The following GALNTL6 variants were observed in gnomAD, a reference collection of about 807,000 sequenced individuals.
The protein encoded by GALNTL6 is polypeptide N-acetylgalactosaminyltransferase-like 6.
Under a neutral mutation model 73.7 loss-of-function variants are expected in GALNTL6, and 46 were observed. That is an observed-to-expected ratio of 0.62 (90% CI 0.49 to 0.80). The LOEUF is 0.80. Ranked by LOEUF, GALNTL6 falls within the 30% of genes least tolerant of loss-of-function variation. The probability of loss-of-function intolerance (pLI) is 0.00; values close to 1 mark genes in which losing one functional copy is unlikely to be tolerated. For missense variants in GALNTL6, 604 were observed against 755.0 expected, an observed-to-expected ratio of 0.80 and a Z score of 2.34; for synonymous variants, 259 against 263.7, an observed-to-expected ratio of 0.98 and a Z score of 0.17.
chr4:172,052,302 C>A, intron 2 of GALNTL6: 2 of 595,072 alleles, frequency 3.4e-6, no homozygotes, highest in Non-Finnish European at 5.9e-6. Flanking sequence ...TACCACACTT[C>A]CCAGGGAAGA....
intron 5 of GALNTL6, among the ~76,000 whole-genome samples, chr4:172,519,097 TAC>T (rs138699256): frequency 3.2e-4 from 47 of 148,942 alleles, no homozygotes; most frequent in African/African-American, 1.7e-4. Context: ...TATATGTATA[TAC>T]ACACACACAC....
intron 5 of GALNTL6, among the ~76,000 whole-genome samples, chr4:172,423,660 T>C (rs1426609333): frequency 1.3e-5 from 2 of 152,160 alleles, no homozygotes; most frequent in Non-Finnish European, 2.9e-5. Flanking sequence ...ATATATCATG[T>C]ATTTACTTAC....
At chr4:172,688,923 T>C (rs1024925484) in intron 5 of GALNTL6, among the ~76,000 whole-genome samples, 5 of 152,218 alleles carry the variant, frequency 3.3e-5, no homozygotes, top group Non-Finnish European at 7.3e-5. Context: ...TCTGTGCAAG[T>C]ATCAGTGTGC....
intron 5 of GALNTL6, among the ~76,000 whole-genome samples, chr4:172,724,335 T>A (rs1221045382): frequency 6.6e-6 from 1 of 152,134 alleles, no homozygotes; most frequent in Admixed American, 6.5e-5. Context: ...ACAAAATCCA[T>A]CCTATAGTAG....
At chr4:172,339,980 A>T (rs1001040002) in intron 4 of GALNTL6, among the ~76,000 whole-genome samples, 5 of 152,132 alleles carry the variant, frequency 3.3e-5, no homozygotes, top group African/African-American at 1.2e-4. Flanking sequence ...AACAACAACA[A>T]AACTTTCTTT....
chr4:172,018,535 C>A (rs1297681049), intron 2 of GALNTL6, among the ~76,000 whole-genome samples: 3 of 152,136 alleles, frequency 2.0e-5, no homozygotes, highest in Admixed American at 1.3e-4. Flanking sequence ...ACACAGTTGG[C>A]AAGCCTGGTC....
At chr4:173,032,450 CAAA>C (rs1394068256) in intron 12 of GALNTL6, among the ~76,000 whole-genome samples, 2 of 87,410 alleles carry the variant, frequency 2.3e-5, no homozygotes. Flanking sequence ...GACTCCGTCT[CAAA>C]AAAAAAAAAA....
At chr4:172,082,297 T>C (rs1731902807) in intron 2 of GALNTL6, among the ~76,000 whole-genome samples, 1 of 152,148 alleles carries the variant, frequency 6.6e-6, no homozygotes, top group African/African-American at 2.4e-5. Flanking sequence ...TACAAATGAA[T>C]AACAGAAGCC....
chr4:172,232,251 T>C (rs1399928990), intron 3 of GALNTL6, among the ~76,000 whole-genome samples: 1 of 152,160 alleles, frequency 6.6e-6, no homozygotes, highest in Non-Finnish European at 1.5e-5. Flanking sequence ...TTTTTCTCTG[T>C]AGTTTTTACT....
intron 11 of GALNTL6, 23 bp downstream of exon 11, chr4:173,009,317 G>A: frequency 7.0e-7 from 1 of 1,438,368 alleles, no homozygotes; most frequent in South Asian, 1.1e-5. Flanking sequence ...CCAGAAGCCA[G>A]GGCAGTGGGA....
intron 5 of GALNTL6, among the ~76,000 whole-genome samples, chr4:172,659,573 T>C (rs1267789592): frequency 6.6e-6 from 1 of 151,512 alleles, no homozygotes; most frequent in African/African-American, 2.4e-5. Flanking sequence ...ATTTATTCTC[T>C]ACCTCCATGA....
chr4:172,548,597 G>A (rs910229504), intron 5 of GALNTL6, among the ~76,000 whole-genome samples: 4 of 152,138 alleles, frequency 2.6e-5, no homozygotes, highest in African/African-American at 9.7e-5. Context: ...TGTAATTTTA[G>A]CCTCTATAAA....
chr4:172,815,069 A>G (rs1228834915), intron 7 of GALNTL6, among the ~76,000 whole-genome samples: 1 of 152,198 alleles, frequency 6.6e-6, no homozygotes, highest in Non-Finnish European at 1.5e-5. Context: ...AAGCATTTGA[A>G]GTGAGCTTAG....
chr4:172,039,265 A>C (rs1010546367), intron 2 of GALNTL6, among the ~76,000 whole-genome samples: 2 of 152,214 alleles, frequency 1.3e-5, no homozygotes, highest in East Asian at 3.8e-4. Flanking sequence ...TAACCCAAAA[A>C]AAATTTTCAA....
At chr4:172,722,809 A>G (rs561183174) in intron 5 of GALNTL6, among the ~76,000 whole-genome samples, 1 of 152,318 alleles carries the variant, frequency 6.6e-6, no homozygotes, top group Admixed American at 6.5e-5. Context: ...AGCTAACATT[A>G]AGGAGAAATT....
chr4:172,621,286 C>T (rs997232198), intron 5 of GALNTL6, among the ~76,000 whole-genome samples: 3 of 152,264 alleles, frequency 2.0e-5, no homozygotes, highest in South Asian at 2.1e-4. Flanking sequence ...AACTCCTGGC[C>T]TCAAGCAATA....
At chr4:172,979,993 T>A (rs1437498993) in intron 10 of GALNTL6, among the ~76,000 whole-genome samples, 2 of 152,218 alleles carry the variant, frequency 1.3e-5, no homozygotes, top group Non-Finnish European at 2.9e-5. Flanking sequence ...TATGTCTTTG[T>A]AGCTTTTCTC....
chr4:172,996,764 A>T (rs908317584), intron 10 of GALNTL6, among the ~76,000 whole-genome samples: 5 of 152,220 alleles, frequency 3.3e-5, no homozygotes, highest in Non-Finnish European at 7.3e-5. Flanking sequence ...GTTGATCACA[A>T]GACGAGCTAC....
intron 5 of GALNTL6, among the ~76,000 whole-genome samples, chr4:172,572,712 T>C (rs1343877734): frequency 6.6e-6 from 1 of 152,172 alleles, no homozygotes; most frequent in Non-Finnish European, 1.5e-5. Flanking sequence ...CTTGTACATG[T>C]TGTTATTTCA....
Sources: gnomAD v4.1 joint callset for allele counts (sites outside exome capture counted in the v4.1 genomes callset) on GRCh38, gnomAD v4.1.1 for gene constraint, MANE v1.5 for transcripts, NCBI Gene and HGNC (gene_info 2026-07-23, HGNC 2026-07-21) for gene names.